The following SPINK5 variants were observed in gnomAD, a reference collection of about 807,000 sequenced individuals.
SPINK5 encodes serine protease inhibitor Kazal-type 5.
A neutral mutation model predicts 151.8 loss-of-function variants in SPINK5; 125 were observed. The observed-to-expected ratio is 0.82, with a 90% CI of 0.71 to 0.96. The LOEUF (loss-of-function observed/expected upper bound fraction) is 0.96. SPINK5 is among the 40% of genes least tolerant of loss of function. SPINK5 has a pLI of 0.00. For missense variants in SPINK5, 1,194 were observed against 1,291.9 expected (o/e 0.92, Z 1.16); for synonymous variants, 374 against 395.3 (o/e 0.95, Z 0.64).
In SPINK5 at chr5:148,070,259, A is replaced by G. The variant is rs141959718; in HGVS notation, c.82-64A>G. ...GACATATACATATATCTACATATAT[A>G]TATCAAAATAAAGCTTGTTTTGATG... On this transcript the variant is annotated intron_variant, in intron 2 of 32. Transcript: ENST00000256084. 9.5e-5 allele frequency: 148 copies of G among 1,563,436 alleles called. No homozygotes were observed. The African/African-American group carries it at 1.9e-3, about 20-fold the overall frequency.
chr5:148,065,536 GCCTC>G (rs1752558732), intron 2 of SPINK5, 164 bp downstream of exon 2: 2 of 649,612 alleles, frequency 3.1e-6, no homozygotes, highest in African/African-American at 6.4e-5. Context: ...CAGGACATGA[GCCTC>G]TCTCTCACAC....
chr5:148,099,302 C>T lies in SPINK5; in HGVS notation c.1079C>T (p.Ala360Val). Residue 360 changes from alanine to valine, a missense_variant, in exon 12 of 33, where the codon GCA (alanine) becomes GTA (valine). Transcript: ENST00000256084. The stretch of plus-strand genomic sequence containing the variant: ...AGAAACAAAAGAGAATCTGGAAAAG[C>T]AACCTCATATGCAGTGAGTGGAATC... ...RARNKRESGK[A>V]TSYAELCSEY... 2 of 1,612,238 alleles carry T rather than the reference C, an allele frequency of 1.2e-6. No individual in the cohort carries two copies. Among genetic ancestry groups the T allele is most frequent in the Non-Finnish European group, 1.7e-6 (2 of 1,178,940 alleles).
intron 21 of SPINK5, among the ~76,000 whole-genome samples, chr5:148,115,781 C>T (rs1754069713): frequency 6.6e-6 from 1 of 151,548 alleles, no homozygotes; most frequent in South Asian, 2.1e-4. Flanking sequence ...CTGGAGATCC[C>T]CAGTGAACAT....
rs1456280411 is a variant in SPINK5 at position 148,096,736 on chromosome 5, CT to C, written c.882+836del. The stretch of plus-strand genomic sequence containing the variant: ...TTTCTTTCTTTCTTTTTTTCTTTTT[CT>C]TTTTCTTTTCTTTTCTTTTTTTTTT... On this transcript the variant is annotated intron_variant, in intron 10 of 32. Transcript: ENST00000256084. 5.1e-3 allele frequency among the ~76,000 whole-genome samples: 734 copies of C among 143,864 alleles called. 8 individuals carry two copies. Among genetic ancestry groups the C allele is most frequent in the African/African-American group, 0.018 (679 of 37,992 alleles). 94.4% of individuals were successfully genotyped at this position (143,864 alleles called of 152,430 possible).
chr5:148,115,017 A>G (rs1034046095), intron 21 of SPINK5, among the ~76,000 whole-genome samples: 2 of 152,226 alleles, frequency 1.3e-5, no homozygotes, highest in Admixed American at 6.5e-5. Context: ...GAAATAGATA[A>G]TCTTCTCAGA....
Position 148,094,411 on chromosome 5 carries a change from G to A in SPINK5, c.724G>A (p.Glu242Lys). 1.2e-6 allele frequency: 2 copies of A among 1,612,866 alleles called. No homozygotes were observed. The highest frequency in any genetic ancestry group is 1.7e-6 in the Non-Finnish European group (2 of 1,179,176). The change falls in exon 9 of 33, where the codon GAG becomes AAG. Residue 242 changes from glutamate to lysine, a missense_variant. Transcript: ENST00000256084. The stretch of plus-strand genomic sequence containing the variant: ...AAATGGAAGGCTTTTTTGTACACGG[G>A]AGAGTGATCCAGTCCGTGGCCCTGA... ...VRNGRLFCTR[E>K]SDPVRGPDGR...
chr5:148,093,691 T>C (rs1753376348), intron 8 of SPINK5, among the ~76,000 whole-genome samples: 2 of 151,748 alleles, frequency 1.3e-5, no homozygotes, highest in Non-Finnish European at 2.9e-5. Flanking sequence ...TGCTGCATTT[T>C]GTTGTGTTTG....
chr5:148,089,062 A>G, intron 6 of SPINK5: 1 of 461,118 alleles, frequency 2.2e-6, no homozygotes, highest in South Asian at 1.5e-5. Flanking sequence ...GGAAGAAAGG[A>G]TCTCATACAT....
chr5:148,096,529 C>T (rs1006813035), intron 10 of SPINK5, among the ~76,000 whole-genome samples: 1 of 151,876 alleles, frequency 6.6e-6, no homozygotes, highest in Non-Finnish European at 1.5e-5. Context: ...CACGAGTCAG[C>T]GATGCTATAA....
intron 11 of SPINK5, 73 bp downstream of exon 11, chr5:148,098,067 A>G (rs545083103): frequency 1.6e-5 from 22 of 1,402,764 alleles, no homozygotes; most frequent in South Asian, 2.4e-5. Flanking sequence ...AGCTTCTTTC[A>G]TAGATGGGGA....
At chr5:148,078,245 T>C (rs1050682314) in intron 4 of SPINK5, among the ~76,000 whole-genome samples, 6 of 151,026 alleles carry the variant, frequency 4.0e-5, no homozygotes, top group African/African-American at 1.5e-4. Flanking sequence ...AATATAACAA[T>C]GATAAATGTA....
chr5:148,066,549 G>A (rs1752590798), intron 2 of SPINK5, among the ~76,000 whole-genome samples: 1 of 152,066 alleles, frequency 6.6e-6, no homozygotes, highest in Non-Finnish European at 1.5e-5. Flanking sequence ...TCTTACATGA[G>A]TGTTCTAGAG....
intron 14 of SPINK5, 22 bp from the exon 15 acceptor site, chr5:148,101,759 A>T: frequency 6.2e-7 from 1 of 1,613,590 alleles, no homozygotes; most frequent in African/African-American, 1.3e-5. Context: ...AACACTTTCA[A>T]CTTCCTGCCT....
At chr5:148,071,783 T>G (rs910290293) in intron 3 of SPINK5, among the ~76,000 whole-genome samples, 1 of 152,044 alleles carries the variant, frequency 6.6e-6, no homozygotes, top group Non-Finnish European at 1.5e-5. Flanking sequence ...TGTGGGTCCC[T>G]AGATGTTGGA....
chr5:148,094,538 TG>T, intron 9 of SPINK5, 57 bp downstream of exon 9: 1 of 1,610,292 alleles, frequency 6.2e-7, no homozygotes. Context: ...GGAGATTGAT[TG>T]GATTGATGAG....
intron 12 of SPINK5, 57 bp from the exon 13 acceptor site, chr5:148,100,397 C>T (rs1408599961): frequency 2.5e-6 from 4 of 1,568,830 alleles, no homozygotes; most frequent in Non-Finnish European, 2.6e-6. Context: ...ATGTTTGAAC[C>T]TTCTGCTTTA....
At chr5:148,099,410 C>A in intron 12 of SPINK5, 95 bp downstream of exon 12, 1 of 1,001,386 alleles carries the variant, frequency 1.0e-6, no homozygotes, top group Non-Finnish European at 1.5e-6. Context: ...CAGAAATCCC[C>A]AGAATATCTT....
chr5:148,084,266 G>A (rs1753095874), intron 4 of SPINK5, among the ~76,000 whole-genome samples: 1 of 151,856 alleles, frequency 6.6e-6, no homozygotes. Context: ...TCAGTCTGTA[G>A]CCCTTCTGGT....
chr5:148,103,724 ATTTTT>A (rs200840468), intron 15 of SPINK5, among the ~76,000 whole-genome samples: 1 of 151,924 alleles, frequency 6.6e-6, no homozygotes, highest in Admixed American at 6.6e-5. Flanking sequence ...AAGGTGATTG[ATTTTT>A]TTTGAGAATT....
Sources: allele counts gnomAD v4.1 joint callset (sites outside exome capture counted in the v4.1 genomes callset), GRCh38; gene constraint gnomAD v4.1.1; transcripts MANE v1.5; gene names NCBI Gene and HGNC (gene_info 2026-07-23, HGNC 2026-07-21).